Variants in DZANK1 observed in about 807,000 individuals in gnomAD.
The protein encoded by DZANK1 is double zinc ribbon and ankyrin repeat domains 1, also known as double zinc ribbon and ankyrin repeat-containing protein 1.
A neutral mutation model predicts 94.5 loss-of-function variants in DZANK1; 91 were observed. The observed-to-expected ratio is 0.96, with a 90% confidence interval of 0.81 to 1.15. The LOEUF (loss-of-function observed/expected upper bound fraction) is 1.15, where lower values mean the gene tolerates loss of function less well. DZANK1 is among the 50% of genes most tolerant of loss of function. The pLI is 0.00. For missense variants in DZANK1, 903 were observed against 916.4 expected (o/e 0.99, Z 0.19); for synonymous variants, 312 against 325.3 (o/e 0.96, Z 0.44).
chr20:18,386,296 C>T (rs1457188477), intron 19 of DZANK1, among the ~76,000 whole-genome samples: 3 of 152,150 alleles, frequency 2.0e-5, no homozygotes, highest in Admixed American at 6.5e-5. Context: ...TTGACAAAGC[C>T]GTTCTCTTAT....
Position 18,415,184 on chromosome 20 carries a change from C to T in DZANK1, c.1077+143G>A, listed in dbSNP as rs2057430071. On this transcript the variant is annotated intron_variant, in intron 11 of 20. Coordinates refer to ENST00000262547, the Ensembl canonical transcript of DZANK1. The stretch of plus-strand genomic sequence containing the variant: ...CTCAGTGTAAGATAATTAATTATCT[C>T]TATCTCCAGATTCTTAGGTTATAGG... The T allele has an allele frequency of 3.7e-6, 3 of 808,142 alleles. No individual in the cohort carries two copies. The Admixed American group carries it at 1.2e-4, about 33-fold the overall frequency. 50.1% of individuals were successfully genotyped at this position (808,142 alleles called of 1,614,324 possible).
intron 13 of DZANK1, among the ~76,000 whole-genome samples, chr20:18,399,251 T>C (rs1356932928): frequency 6.6e-6 from 1 of 152,194 alleles, no homozygotes; most frequent in East Asian, 1.9e-4. Context: ...TATTTTGAGA[T>C]GGGATCTCAC....
At chr20:18,436,270 G>A (rs996533532) in intron 8 of DZANK1, among the ~76,000 whole-genome samples, 12 of 152,106 alleles carry the variant, frequency 7.9e-5, no homozygotes, top group Non-Finnish European at 1.8e-4. Flanking sequence ...AAAGCCTGGA[G>A]TTGAAAAGTA....
Position 18,400,379 on chromosome 20 carries a change from G to C in DZANK1, c.1433-1753C>G, listed in dbSNP as rs79024848. Among the ~76,000 whole-genome samples the C allele has an allele frequency of 2.2e-3, 340 of 152,328 alleles. 2 individuals are homozygous for C. Among genetic ancestry groups the C allele is most frequent in the African/African-American group, 7.7e-3 (319 of 41,572 alleles). On this transcript the variant is annotated intron_variant, in intron 13 of 20. Coordinates refer to ENST00000262547, the Ensembl canonical transcript of DZANK1. ...TCTCACAGTTGTCTGCTGAAGGACA[G>C]AGAAGCTAGGGGATCTGCTCCCCGG... is the stretch of plus-strand genomic sequence containing the variant.
At chr20:18,457,494 A>G (rs1320943047) in intron 3 of DZANK1, among the ~76,000 whole-genome samples, 1 of 152,186 alleles carries the variant, frequency 6.6e-6, no homozygotes, top group Non-Finnish European at 1.5e-5. Context: ...AAATGAACAA[A>G]CAAACAAACA....
intron 8 of DZANK1, among the ~76,000 whole-genome samples, chr20:18,438,070 T>A (rs1351557735): frequency 2.0e-5 from 3 of 151,088 alleles, no homozygotes; most frequent in Non-Finnish European, 3.0e-5. Flanking sequence ...TACAAAAAAA[T>A]TGGCCAGGCA....
At chr20:18,405,980 C>T (rs1204196111) in intron 13 of DZANK1, among the ~76,000 whole-genome samples, 1 of 152,202 alleles carries the variant, frequency 6.6e-6, no homozygotes, top group Non-Finnish European at 1.5e-5. Flanking sequence ...CCAGTGCCCG[C>T]ACATGGAGGG....
At chr20:18,459,835 C>A (rs1178438625) in intron 3 of DZANK1, among the ~76,000 whole-genome samples, 1 of 152,118 alleles carries the variant, frequency 6.6e-6, no homozygotes. Flanking sequence ...TTCTTCAGAG[C>A]AAGATGGAGC....
At chr20:18,401,528 C>T (rs1383555711) in intron 13 of DZANK1, among the ~76,000 whole-genome samples, 8 of 152,220 alleles carry the variant, frequency 5.3e-5, no homozygotes, top group Non-Finnish European at 1.2e-4. Context: ...TTCATCTCTG[C>T]TCCACATGGT....
chr20:18,415,278 C>A, intron 11 of DZANK1, 49 bp downstream of exon 11: 1 of 1,393,172 alleles, frequency 7.2e-7, no homozygotes, highest in Non-Finnish European at 9.4e-7. Context: ...TCTCTCCAGG[C>A]CAGTGGTGAG....
chr20:18,409,144 T>G (rs2057105075), intron 13 of DZANK1, among the ~76,000 whole-genome samples: 4 of 152,088 alleles, frequency 2.6e-5, no homozygotes, highest in Non-Finnish European at 5.9e-5. Flanking sequence ...ACACCTACTA[T>G]GTACCCACAA....
chr20:18,423,423 C>T (rs1363389305), intron 10 of DZANK1, among the ~76,000 whole-genome samples: 1 of 152,108 alleles, frequency 6.6e-6, no homozygotes, highest in Non-Finnish European at 1.5e-5. Context: ...TCATTATTTG[C>T]TAGAAAAACT....
Position 18,394,056 on chromosome 20 carries a change from A to G in DZANK1, c.1708+198T>C, listed in dbSNP as rs1378283292. 2.0e-5 allele frequency among the ~76,000 whole-genome samples: 3 copies of G among 152,274 alleles called. No individual in the cohort carries two copies. In the East Asian group the frequency reaches 5.8e-4, roughly 29 times the overall value. On this transcript the variant is annotated intron_variant, in intron 16 of 20. Coordinates refer to ENST00000262547, the Ensembl canonical transcript of DZANK1. The stretch of plus-strand genomic sequence containing the variant: ...TTAGGTCCAAAAGTGCACCCCACAA[A>G]TGAATTTCCCCAAGCCCTGTAAAGG...
chr20:18,414,768 C>T (rs2057410397), intron 11 of DZANK1, among the ~76,000 whole-genome samples: 1 of 152,158 alleles, frequency 6.6e-6, no homozygotes, highest in South Asian at 2.1e-4. Flanking sequence ...TAACACAGTA[C>T]ATACATACAA....
chr20:18,406,193 C>T (rs2056954041), intron 13 of DZANK1, among the ~76,000 whole-genome samples: 1 of 152,198 alleles, frequency 6.6e-6, no homozygotes, highest in South Asian at 2.1e-4. Flanking sequence ...TCGGGTGGCA[C>T]GTGACCTAGG....
At chr20:18,384,960 CA>C in intron 20 of DZANK1, 55 bp downstream of exon 20, 1 of 1,492,648 alleles carries the variant, frequency 6.7e-7, no homozygotes, top group Non-Finnish European at 9.1e-7. Flanking sequence ...CATCACAGGC[CA>C]TTAGGGAGAT....
At chr20:18,448,564 A>C (rs1451174120) in intron 7 of DZANK1, among the ~76,000 whole-genome samples, 1 of 152,194 alleles carries the variant, frequency 6.6e-6, no homozygotes, top group Non-Finnish European at 1.5e-5. Context: ...AACAGGCTGT[A>C]AACATTTAAT....
At chr20:18,432,718 A>G (rs1368367104) in intron 9 of DZANK1, 1 of 152,160 alleles carries the variant, frequency 6.6e-6, no homozygotes, top group East Asian at 1.9e-4. Flanking sequence ...AAAAATTCTT[A>G]GTTTTTTAAT....
At chr20:18,464,739 G>A (rs773933871) in intron 2 of DZANK1, among the ~76,000 whole-genome samples, 1 of 134,838 alleles carries the variant, frequency 7.4e-6, no homozygotes, top group East Asian at 2.4e-4. Context: ...GCACTGGCGC[G>A]ATCTCGGCTC....
Sources: allele counts gnomAD v4.1 joint callset (sites outside exome capture counted in the v4.1 genomes callset), GRCh38; gene constraint gnomAD v4.1.1; transcripts MANE v1.5; gene names NCBI Gene and HGNC (gene_info 2026-07-23, HGNC 2026-07-21).